CELF1: variants seen among roughly 807,000 people sequenced by gnomAD.
CELF1 encodes 50 kDa nuclear polyadenylated RNA-binding protein.
A neutral mutation model predicts 61.8 loss-of-function variants in CELF1; 10 were observed. That is an observed-to-expected ratio of 0.16 (90% CI 0.10 to 0.27). The LOEUF (loss-of-function observed/expected upper bound fraction) is 0.27. Ranked by LOEUF, CELF1 falls within the 10% of genes least tolerant of loss-of-function variation. CELF1 has a pLI of 1.00. For missense variants in CELF1, 380 were observed against 639.1 expected (o/e 0.59, Z 4.37); for synonymous variants, 236 against 225.1 (o/e 1.05, Z -0.43).
At chr11:47,553,333 C>A (rs1016988888), upstream of CELF1, among the ~76,000 whole-genome samples, 52 of 152,144 alleles carry the variant, frequency 3.4e-4, no homozygotes, top group African/African-American at 1.2e-3. Flanking sequence ...ACCTAAGCCC[C>A]TGGGGCCGCG....
chr11:47,532,259 A>G (rs926875465), intron 1 of CELF1, among the ~76,000 whole-genome samples: 23 of 152,124 alleles, frequency 1.5e-4, no homozygotes, highest in African/African-American at 5.3e-4. Flanking sequence ...CAAACTCCTG[A>G]CCTCAGGTGA....
intron 2 of CELF1, among the ~76,000 whole-genome samples, chr11:47,564,171 C>CAAAAAAAAAA (rs779009192): frequency 5.1e-3 from 320 of 62,326 alleles, no homozygotes; most frequent in African/African-American, 8.0e-3. Context: ...ACTAAAAATA[C>CAAAAAAAAAA]AAAAAAAAAA....
At chr11:47,547,193 C>T (rs1471350470) in intron 1 of CELF1, among the ~76,000 whole-genome samples, 7 of 150,764 alleles carry the variant, frequency 4.6e-5, no homozygotes, top group African/African-American at 1.5e-4. Context: ...TTATAGACCA[C>T]TTTATACATG....
chr11:47,523,422 C>G (rs2096059623), intron 1 of CELF1: 1 of 152,212 alleles, frequency 6.6e-6, no homozygotes, highest in Admixed American at 6.5e-5. Context: ...ATGCCACACT[C>G]AAAAGAATTT....
In CELF1 at chr11:47,470,299, GTTTTCTT is replaced by G. The variant is rs2077404871; in HGVS notation, c.*1924_*1930del. 6 of 135,862 alleles carry G rather than the reference GTTTTCTT, an allele frequency of 4.4e-5. No individual in the cohort carries two copies. The highest frequency in any genetic ancestry group is 8.0e-5 in the Non-Finnish European group (5 of 62,648). The allele number at this position is 135,862 out of a possible 1,614,324, so 8.4% of individuals were successfully genotyped here. ...TAGCATTTTTTTCTTTTTTTTTTTT[GTTTTCTT>G]TTTTCTTTTTTATTTTTATTTTTTG... On this transcript the variant is annotated 3_prime_UTR_variant, in exon 15 of 15. Transcript: ENST00000687097.
upstream of CELF1, among the ~76,000 whole-genome samples, chr11:47,553,765 G>C (rs191867080): frequency 2.6e-5 from 4 of 151,868 alleles, no homozygotes; most frequent in Admixed American, 2.6e-4. Flanking sequence ...TCTATTAAGA[G>C]ACCGATTGCC....
chr11:47,565,417 A>T, exon 1 of CELF1: 1 of 345,942 alleles, frequency 2.9e-6, no homozygotes, highest in African/African-American at 2.2e-5. Context: ...CGCCCAGGAA[A>T]CCTCGGTCCC....
At chr11:47,521,506 A>AG (rs1459132565) in intron 1 of CELF1, among the ~76,000 whole-genome samples, 4 of 152,256 alleles carry the variant, frequency 2.6e-5, no homozygotes, top group Non-Finnish European at 5.9e-5. Flanking sequence ...GCTGCTTACT[A>AG]GCCAGGTAAC....
chr11:47,483,508 G>C lies in CELF1; in HGVS notation c.551C>G (p.Thr184Arg). 1 of 1,613,964 alleles carries C rather than the reference G, an allele frequency of 6.2e-7. No homozygotes were observed. The highest frequency in any genetic ancestry group is 1.1e-5 in the South Asian group (1 of 91,084). The change falls in exon 8 of 15, where the codon ACA becomes AGA. Residue 184 changes from threonine (T) to arginine (R), a missense_variant. Coordinates refer to ENST00000687097, the MANE Select transcript of CELF1 (RefSeq NM_001376376.1). ...SRGCAFVTFT[T>R]RAMAQTAIKA... Reference sequence around the variant, plus strand: ...GATAGCCGTCTGTGCCATGGCTCTTGTTGTAAAAGTCACAAATGCACAACC... The same window carrying C: ...GATAGCCGTCTGTGCCATGGCTCTTCTTGTAAAAGTCACAAATGCACAACC...
At chr11:47,527,592 T>C (rs994161194) in intron 1 of CELF1, among the ~76,000 whole-genome samples, 1 of 152,208 alleles carries the variant, frequency 6.6e-6, no homozygotes, top group Non-Finnish European at 1.5e-5. Context: ...CTTCATTGTA[T>C]ATACTGGCTT....
chr11:47,534,875 C>T (rs1178639447), intron 1 of CELF1, among the ~76,000 whole-genome samples: 1 of 152,120 alleles, frequency 6.6e-6, no homozygotes, highest in African/African-American at 2.4e-5. Context: ...TGTGTGTTGT[C>T]ACTCAGTTCC....
At chr11:47,523,422 C>T (rs2096059623) in intron 1 of CELF1, 2 of 152,212 alleles carry the variant, frequency 1.3e-5, no homozygotes, top group African/African-American at 4.8e-5. Flanking sequence ...ATGCCACACT[C>T]AAAAGAATTT....
exon 1 of CELF1, chr11:47,565,363 T>G (rs1450784580): frequency 3.9e-6 from 1 of 253,362 alleles, no homozygotes; most frequent in East Asian, 7.6e-5. Flanking sequence ...CTCACACGTG[T>G]CTGGCCTGCG....
At chr11:47,472,444 T>A (rs2078020331) in intron 14 of CELF1, 87 bp from the exon 15 acceptor site, 1 of 1,399,104 alleles carries the variant, frequency 7.1e-7, no homozygotes, top group Admixed American at 2.0e-5. Flanking sequence ...CTTATGTGCT[T>A]CATCTCAAAT....
intron 1 of CELF1, among the ~76,000 whole-genome samples, chr11:47,527,341 T>C (rs577722276): frequency 7.3e-5 from 11 of 151,098 alleles, no homozygotes; most frequent in Admixed American, 7.2e-4. Flanking sequence ...CAGTTAGCCG[T>C]GATCGTGCCA....
chr11:47,494,039 T>C (rs1325390191), intron 3 of CELF1, among the ~76,000 whole-genome samples: 1 of 152,224 alleles, frequency 6.6e-6, no homozygotes, highest in Non-Finnish European at 1.5e-5. Flanking sequence ...TGGAGAGTTA[T>C]GTATATTTAT....
intron 1 of CELF1, among the ~76,000 whole-genome samples, chr11:47,514,673 T>C (rs2095447555): frequency 8.2e-6 from 1 of 121,758 alleles, no homozygotes; most frequent in African/African-American, 3.2e-5. Context: ...CTCGGCAACA[T>C]AGCAAGACCC....
upstream of CELF1, among the ~76,000 whole-genome samples, chr11:47,555,717 G>T (rs1023800583): frequency 6.6e-6 from 1 of 152,068 alleles, no homozygotes; most frequent in Admixed American, 6.6e-5. Flanking sequence ...TTAAAAAATA[G>T]CCAATGTCGG....
At chr11:47,489,169 A>G in intron 3 of CELF1, 145 bp from the exon 4 acceptor site, 2 of 717,744 alleles carry the variant, frequency 2.8e-6, no homozygotes, top group Non-Finnish European at 4.2e-6. Flanking sequence ...AGTTTACCAG[A>G]GTTCCCTGGT....
Sources: allele counts gnomAD v4.1 joint callset (sites outside exome capture counted in the v4.1 genomes callset), GRCh38; gene constraint gnomAD v4.1.1; transcripts MANE v1.5; gene names NCBI Gene and HGNC (gene_info 2026-07-23, HGNC 2026-07-21).